Variants in RBFOX1 observed in about 807,000 individuals in gnomAD.
The protein encoded by RBFOX1 is RNA binding fox-1 homolog 1, also known as RNA binding protein fox-1 homolog 1.
In RBFOX1, 8 loss-of-function variants were observed where a neutral mutation model predicts 57.7. The observed-to-expected ratio is 0.14, with a 90% confidence interval of 0.08 to 0.25. The LOEUF is 0.25. RBFOX1 is among the 10% of genes least tolerant of loss of function. The pLI, the probability that RBFOX1 is intolerant of heterozygous loss-of-function variation, is 1.00. For synonymous variants in RBFOX1, 326 were observed against 222.4 expected (o/e 1.47, Z -4.15); for missense variants, 611 against 548.5 (o/e 1.11, Z -1.14).
intron 4 of RBFOX1, among the ~76,000 whole-genome samples, chr16:7,311,022 G>A (rs7185128): frequency 0.028 from 4,295 of 152,252 alleles, 222 homozygotes; most frequent in African/African-American, 0.097. Flanking sequence ...TACTCCTTCC[G>A]CTACCTTGAC....
At chr16:5,540,919 G>A (rs377670195) in intron 2 of RBFOX1, among the ~76,000 whole-genome samples, 3 of 151,610 alleles carry the variant, frequency 2.0e-5, no homozygotes, top group Non-Finnish European at 2.9e-5. Context: ...GTGTGATCTC[G>A]GCTCACTGCA....
chr16:6,877,618 T>G (rs1388198998), intron 3 of RBFOX1, among the ~76,000 whole-genome samples: 2 of 152,230 alleles, frequency 1.3e-5, no homozygotes, highest in Non-Finnish European at 2.9e-5. Context: ...ATTTGCATAT[T>G]GCTTTAGAGT....
In RBFOX1 at chr16:5,484,373, TAGTG is replaced by T. The variant is rs1370617875; in HGVS notation, c.258+17122_258+17125del. 2.6e-5 allele frequency among the ~76,000 whole-genome samples: 4 copies of T among 152,196 alleles called. No individual in the cohort carries two copies. The East Asian group carries it at 7.7e-4, about 29-fold the overall frequency. On this transcript the variant is annotated intron_variant, in intron 2 of 2. Coordinates refer to the RBFOX1 transcript ENST00000585867. ...TCACATCTTGGCAACTGGCTTCTCT[TAGTG>T]AGAGCAAATGAGTGAGAGAGGGCAC... is the stretch of plus-strand genomic sequence containing the variant.
intron 1 of RBFOX1, among the ~76,000 whole-genome samples, chr16:5,258,977 C>A (rs995547687): frequency 1.3e-5 from 2 of 151,906 alleles, no homozygotes; most frequent in African/African-American, 4.8e-5. Context: ...TCCCATCTGG[C>A]CCCTGCTCCT....
At chr16:5,815,673 G>C (rs1424757838) in intron 3 of RBFOX1, among the ~76,000 whole-genome samples, 2 of 152,176 alleles carry the variant, frequency 1.3e-5, no homozygotes, top group Non-Finnish European at 2.9e-5. Flanking sequence ...GGTCCTCAAA[G>C]AGTGAGGTAA....
chr16:7,026,065 T>A (rs1415635561), intron 3 of RBFOX1, among the ~76,000 whole-genome samples: 1 of 152,186 alleles, frequency 6.6e-6, no homozygotes, highest in Non-Finnish European at 1.5e-5. Flanking sequence ...GCGCAGCTGC[T>A]GTGTCCAGGC....
At chr16:7,586,349 C>T (rs577489591) in intron 6 of RBFOX1, among the ~76,000 whole-genome samples, 1 of 152,254 alleles carries the variant, frequency 6.6e-6, no homozygotes, top group Admixed American at 6.5e-5. Context: ...TCCGATGCCC[C>T]TAGTTCTAGA....
chr16:7,190,176 C>G (rs1181220665), intron 4 of RBFOX1, among the ~76,000 whole-genome samples: 8 of 152,236 alleles, frequency 5.3e-5, no homozygotes, highest in Non-Finnish European at 1.2e-4. Context: ...GCCTTGCCAA[C>G]ATGGTGAAAC....
At chr16:6,767,328 C>T (rs1165950926) in intron 3 of RBFOX1, among the ~76,000 whole-genome samples, 1 of 152,086 alleles carries the variant, frequency 6.6e-6, no homozygotes, top group African/African-American at 2.4e-5. Flanking sequence ...CACATTGAGC[C>T]TGAAATTGAT....
intron 4 of RBFOX1, among the ~76,000 whole-genome samples, chr16:7,081,858 T>A (rs1291280311): frequency 6.6e-6 from 1 of 152,144 alleles, no homozygotes; most frequent in Non-Finnish European, 1.5e-5. Context: ...CCTGTTGAGG[T>A]CAGTCTTTTT....
intron 4 of RBFOX1, among the ~76,000 whole-genome samples, chr16:7,382,007 G>A (rs868257184): frequency 1.3e-5 from 2 of 152,212 alleles, no homozygotes; most frequent in African/African-American, 4.8e-5. Context: ...TACGCGATTG[G>A]ATTCTTAAGT....
At chr16:6,519,543 A>G (rs2153798841) in intron 2 of RBFOX1, among the ~76,000 whole-genome samples, 1 of 152,250 alleles carries the variant, frequency 6.6e-6, no homozygotes, top group South Asian at 2.1e-4. Context: ...TGCACTAAAA[A>G]TACAAAAATT....
chr16:6,503,832 T>C (rs935604693), intron 2 of RBFOX1, among the ~76,000 whole-genome samples: 1 of 152,130 alleles, frequency 6.6e-6, no homozygotes, highest in Non-Finnish European at 1.5e-5. Context: ...GGGGATGGGA[T>C]AAGTTTGTGG....
At chr16:6,151,520 A>T (rs1282867105) in intron 1 of RBFOX1, among the ~76,000 whole-genome samples, 1 of 152,168 alleles carries the variant, frequency 6.6e-6, no homozygotes, top group African/African-American at 2.4e-5. Flanking sequence ...TCCTGACTTC[A>T]GGTTATCCAC....
chr16:7,405,847 C>T (rs1275377355), intron 4 of RBFOX1, among the ~76,000 whole-genome samples: 1 of 152,150 alleles, frequency 6.6e-6, no homozygotes, highest in African/African-American at 2.4e-5. Flanking sequence ...GCATTGAGAT[C>T]ACAGTCCTAG....
chr16:6,652,323 C>G (rs879753161), intron 2 of RBFOX1, among the ~76,000 whole-genome samples: 1 of 152,006 alleles, frequency 6.6e-6, no homozygotes, highest in African/African-American at 2.4e-5. Flanking sequence ...TGGTGCATGT[C>G]GGTAGTCCCA....
At chr16:7,385,024 C>T (rs923919456) in intron 4 of RBFOX1, among the ~76,000 whole-genome samples, 3 of 152,304 alleles carry the variant, frequency 2.0e-5, no homozygotes, top group East Asian at 1.9e-4. Context: ...AGAGAAAGAA[C>T]ATTCCAGGAA....
At chr16:6,542,345 G>A (rs941379855) in intron 2 of RBFOX1, among the ~76,000 whole-genome samples, 2 of 152,048 alleles carry the variant, frequency 1.3e-5, no homozygotes, top group African/African-American at 4.8e-5. Flanking sequence ...ATTGTGGGGT[G>A]TTCTAAATGC....
intron 2 of RBFOX1, among the ~76,000 whole-genome samples, chr16:6,433,175 A>G (rs185402439): frequency 6.6e-6 from 1 of 152,174 alleles, no homozygotes; most frequent in East Asian, 1.9e-4. Flanking sequence ...GGCTATGGAT[A>G]CAGTGAAAAG....
Sources: allele counts gnomAD v4.1 joint callset (sites outside exome capture counted in the v4.1 genomes callset), GRCh38; gene constraint gnomAD v4.1.1; transcripts MANE v1.5; gene names NCBI Gene and HGNC (gene_info 2026-07-23, HGNC 2026-07-21).